The following SOCS2 variants were observed in gnomAD, a reference collection of about 807,000 sequenced individuals.
The protein encoded by SOCS2 is suppressor of cytokine signaling 2.
SOCS2 carries 10 observed loss-of-function variants against 18.6 expected under a neutral mutation model. The ratio of observed to expected loss-of-function variants is 0.54; its 90% CI spans 0.33 to 0.91. SOCS2 has a LOEUF of 0.91. SOCS2 is among the 40% of genes least tolerant of loss of function. The pLI is 0.02. For missense variants in SOCS2, 231 were observed against 247.2 expected, an observed-to-expected ratio of 0.93 and a Z score of 0.44; for synonymous variants, 104 against 104.0, an observed-to-expected ratio of 1.00 and a Z score of 0.00.
chr12:93,606,613 C>A, the SOCS2 span, among the ~76,000 whole-genome samples: 1 of 152,116 alleles, frequency 6.6e-6, no homozygotes, highest in African/African-American at 2.4e-5. Flanking sequence ...CAGCAAGGCA[C>A]TTTGTGGTGT....
At chr12:93,574,487 T>A (rs554109336) in intron 1 of SOCS2, 149 of 374,586 alleles carry the variant, frequency 4.0e-4, no homozygotes, top group African/African-American at 2.8e-3. Context: ...GTTGATTTTT[T>A]AAAAAAGAAA....
the SOCS2 span, among the ~76,000 whole-genome samples, chr12:93,606,949 G>A: frequency 2.6e-5 from 4 of 152,146 alleles, no homozygotes; most frequent in Non-Finnish European, 5.9e-5. Flanking sequence ...TACCACAACC[G>A]ACCCATTTAA....
the SOCS2 span, among the ~76,000 whole-genome samples, chr12:93,615,422 G>T: frequency 6.6e-6 from 1 of 152,204 alleles, no homozygotes; most frequent in Non-Finnish European, 1.5e-5. Context: ...ATCCTGCAGA[G>T]TAGATAGAAA....
At chr12:93,614,615 CTTTCTTTCT>C in the SOCS2 span, among the ~76,000 whole-genome samples, 15 of 96,268 alleles carry the variant, frequency 1.6e-4, 1 homozygote, top group Non-Finnish European at 2.4e-4. Flanking sequence ...TTCTTTCTTT[CTTTCTTTCT>C]TTCTTTCTTT....
rs969210627 is a variant in SOCS2, at chr12:93,573,349, G to T, written c.139+313G>T. 3.8e-5 allele frequency: 19 copies of T among 505,592 alleles called. 1 individual carries two copies. Among genetic ancestry groups the T allele is most frequent in the Admixed American group, 3.0e-4 (8 of 26,386 alleles). 31.3% of individuals were successfully genotyped at this position (505,592 alleles called of 1,614,324 possible). A position where few individuals can be genotyped will look rare whatever the true frequency, so the allele number is the denominator to read the frequency against. ...AGGCTCCCGGGCTCGAACCCCGGCC[G>T]GGGAAAGCGTCGGGCGCCTCCCTTT... On this transcript the variant is annotated intron_variant, in intron 1 of 1. Coordinates refer to ENST00000551556, the MANE Select transcript of SOCS2 (RefSeq NM_001270471.2).
At chr12:93,604,535 G>T in the SOCS2 span, among the ~76,000 whole-genome samples, 2 of 151,884 alleles carry the variant, frequency 1.3e-5, no homozygotes, top group African/African-American at 4.8e-5. Flanking sequence ...AATGTTTTAA[G>T]AAAAAAAACT....
the SOCS2 span, among the ~76,000 whole-genome samples, chr12:93,590,782 TCAAAAAAAAAAAAA>T: frequency 7.1e-5 from 1 of 14,162 alleles, no homozygotes; most frequent in Non-Finnish European, 1.2e-4. Flanking sequence ...AGACTCCGCC[TCAAAAAAAAAAAAA>T]AAAAAAAAAA....
the SOCS2 span, among the ~76,000 whole-genome samples, chr12:93,621,180 C>T: frequency 2.6e-5 from 4 of 152,202 alleles, no homozygotes; most frequent in Admixed American, 6.5e-5. Context: ...CCTATCTAGA[C>T]ATCACAGTAG....
downstream of SOCS2, among the ~76,000 whole-genome samples, chr12:93,577,514 A>G (rs1248543241): frequency 6.7e-6 from 1 of 148,936 alleles, no homozygotes; most frequent in African/African-American, 2.5e-5. Flanking sequence ...GGAATATCCT[A>G]GCTCTTTTTT....
the SOCS2 span, among the ~76,000 whole-genome samples, chr12:93,626,178 C>T: frequency 1.3e-5 from 2 of 152,068 alleles, no homozygotes; most frequent in Non-Finnish European, 2.9e-5. Context: ...CCACAGATGC[C>T]GTTCTCTCTT....
At position 93,574,869 on chromosome 12, in the gene SOCS2, G is replaced by A. The variant is rs1409974225; in HGVS notation, c.287G>A (p.Arg96Gln). ...ACATCAGCTGGACCAACTAATCTTC[G>A]AATCGAATACCAAGACGGAAAATTC... ...VKTSAGPTNL[R>Q]IEYQDGKFRL... Residue 96 changes from arginine (R) to glutamine (Q), a missense_variant, in exon 2 of 2, where the codon CGA becomes CAA. Arg to Gln is a conservative substitution (Grantham distance 43, BLOSUM62 1). This residue lies in a region of SOCS2 where 122 missense variants were observed against 127.2 expected (regional missense o/e 0.96). Transcript: ENST00000551556. The A allele has an allele frequency of 6.2e-7, 1 of 1,614,098 alleles. No homozygotes were observed. The highest frequency in any genetic ancestry group is 2.2e-5 in the East Asian group (1 of 44,880).
chr12:93,614,484 C>T, the SOCS2 span, among the ~76,000 whole-genome samples: 900 of 23,516 alleles, frequency 0.038, 40 homozygotes, highest in East Asian at 0.1. Flanking sequence ...CCTTCCTTTC[C>T]TTCCTTCCTT....
the SOCS2 span, among the ~76,000 whole-genome samples, chr12:93,619,052 A>G: frequency 2.6e-5 from 4 of 152,226 alleles, no homozygotes; most frequent in Admixed American, 2.0e-4. Flanking sequence ...GGGCAGGGTT[A>G]AGAGAACACA....
the SOCS2 span, among the ~76,000 whole-genome samples, chr12:93,595,107 C>A: frequency 6.6e-6 from 1 of 152,090 alleles, no homozygotes; most frequent in Non-Finnish European, 1.5e-5. Context: ...GTATTGCCGA[C>A]TTAAAAGCAT....
the SOCS2 span, among the ~76,000 whole-genome samples, chr12:93,593,465 GAATTA>G: frequency 5.9e-5 from 9 of 152,214 alleles, no homozygotes; most frequent in East Asian, 7.7e-4. Flanking sequence ...TTAGATATTA[GAATTA>G]AATTAAAATC....
chr12:93,615,586 G>A, the SOCS2 span, among the ~76,000 whole-genome samples: 7 of 152,174 alleles, frequency 4.6e-5, no homozygotes, highest in Non-Finnish European at 7.4e-5. Context: ...GAGTTATAAA[G>A]TGTGAAAGTA....
the SOCS2 span, among the ~76,000 whole-genome samples, chr12:93,592,815 A>G: frequency 6.6e-6 from 1 of 151,698 alleles, no homozygotes; most frequent in Non-Finnish European, 1.5e-5. Flanking sequence ...CCCAGCCTTG[A>G]TCAGAGACAT....
upstream of SOCS2, chr12:93,571,914 G>C (rs986596182): frequency 3.3e-5 from 14 of 430,154 alleles, no homozygotes; most frequent in Non-Finnish European, 6.5e-5. Context: ...CCGAGGTCGA[G>C]GTAAGAGCGC....
chr12:93,608,932 A>C, the SOCS2 span, among the ~76,000 whole-genome samples: 1 of 152,210 alleles, frequency 6.6e-6, no homozygotes, highest in Admixed American at 6.5e-5. Flanking sequence ...GGATAAAAAT[A>C]CCTACTTTCC....
Sources: allele counts gnomAD v4.1 joint callset (sites outside exome capture counted in the v4.1 genomes callset), GRCh38; gene constraint gnomAD v4.1.1; regional missense constraint gnomAD v4.1.1; transcripts MANE v1.5; gene names NCBI Gene and HGNC (gene_info 2026-07-23, HGNC 2026-07-21).